The following DRC9 variants were observed in gnomAD, a reference collection of about 807,000 sequenced individuals.
DRC9 encodes the protein dynein regulatory complex subunit 9, also known as dynein regulatory complex protein 9.
the DRC9 span, among the ~76,000 whole-genome samples, chr3:197,934,855 C>T: frequency 6.8e-6 from 1 of 146,198 alleles, no homozygotes; most frequent in Non-Finnish European, 1.5e-5. Flanking sequence ...CATGGTGGCA[C>T]GTGCCTGTAG....
the DRC9 span, among the ~76,000 whole-genome samples, chr3:197,942,548 CAAACAAAAT>C: frequency 2.6e-5 from 4 of 151,370 alleles, no homozygotes; most frequent in South Asian, 8.3e-4. Flanking sequence ...AAAAACAAAA[CAAACAAAAT>C]GAAAAAAAAA....
chr3:197,942,672 C>A, the DRC9 span, among the ~76,000 whole-genome samples: 1 of 151,894 alleles, frequency 6.6e-6, no homozygotes, highest in Non-Finnish European at 1.5e-5. Context: ...AATCCCAGCA[C>A]TTTGGGAGGC....
chr3:197,926,016 A>C, the DRC9 span: 1 of 1,495,404 alleles, frequency 6.7e-7, no homozygotes, highest in South Asian at 1.1e-5. Flanking sequence ...TAAGCAGGTA[A>C]TTCTTACCTG....
chr3:197,932,777 C>T, the DRC9 span, among the ~76,000 whole-genome samples: 3 of 145,360 alleles, frequency 2.1e-5, no homozygotes, highest in African/African-American at 7.6e-5. Context: ...GCTGGGACTA[C>T]ACAGCAAGAC....
At chr3:197,893,226 G>T in the DRC9 span, among the ~76,000 whole-genome samples, 2 of 151,820 alleles carry the variant, frequency 1.3e-5, no homozygotes, top group Non-Finnish European at 2.9e-5. Flanking sequence ...GCATGGTGGC[G>T]CATACCTGTA....
At chr3:197,912,884 C>T in the DRC9 span, 4 of 722,170 alleles carry the variant, frequency 5.5e-6, no homozygotes, top group Admixed American at 2.1e-5. Context: ...CAGTTCCCTG[C>T]AACTCCTGTT....
chr3:197,960,013 C>G, the DRC9 span: 2 of 573,904 alleles, frequency 3.5e-6, no homozygotes, highest in East Asian at 5.8e-5. Flanking sequence ...CTCCCACAGC[C>G]CCACTCACGT....
the DRC9 span, among the ~76,000 whole-genome samples, chr3:197,936,586 C>G: frequency 6.6e-6 from 1 of 152,226 alleles, no homozygotes; most frequent in African/African-American, 2.4e-5. Flanking sequence ...TGGTTTCAAA[C>G]TCTTGGGCTC....
At chr3:197,955,733 TTC>T in the DRC9 span, 2 of 1,595,380 alleles carry the variant, frequency 1.3e-6, no homozygotes, top group African/African-American at 1.3e-5. Flanking sequence ...ATGTTTTGTG[TTC>T]TTTTTTCCCT....
the DRC9 span, among the ~76,000 whole-genome samples, chr3:197,930,854 T>G: frequency 6.7e-6 from 1 of 149,728 alleles, no homozygotes; most frequent in African/African-American, 2.5e-5. Context: ...GCCAACGTGG[T>G]GAAACACTGT....
At chr3:197,897,341 C>A in the DRC9 span, among the ~76,000 whole-genome samples, 1 of 152,000 alleles carries the variant, frequency 6.6e-6, no homozygotes, top group African/African-American at 2.4e-5. Context: ...TTAAGAGAGA[C>A]AAGGGATATT....
the DRC9 span, among the ~76,000 whole-genome samples, chr3:197,931,403 A>G: frequency 5.7e-3 from 871 of 151,976 alleles, 6 homozygotes; most frequent in Middle Eastern, 0.014. Flanking sequence ...AATCGCTTGA[A>G]CCTGGGAAGC....
chr3:197,928,353 T>G, the DRC9 span, among the ~76,000 whole-genome samples: 1 of 151,102 alleles, frequency 6.6e-6, no homozygotes, highest in Admixed American at 6.6e-5. Flanking sequence ...TTTTTTTTTT[T>G]TTTTTGTTTT....
chr3:197,890,361 C>T, the DRC9 span, among the ~76,000 whole-genome samples: 5 of 151,132 alleles, frequency 3.3e-5, no homozygotes, highest in East Asian at 3.9e-4. Flanking sequence ...GCAGAGATTG[C>T]GCCACTGCAC....
the DRC9 span, chr3:197,957,892 T>C: frequency 1.3e-5 from 2 of 152,020 alleles, no homozygotes; most frequent in South Asian, 2.1e-4. Flanking sequence ...GAGGAAGAAA[T>C]AGGGCGGCAT....
chr3:197,914,169 A>G, the DRC9 span: 1 of 776,994 alleles, frequency 1.3e-6, no homozygotes, highest in Non-Finnish European at 2.2e-6. Flanking sequence ...TTCCGCTGTC[A>G]CACAATGGGA....
the DRC9 span, among the ~76,000 whole-genome samples, chr3:197,909,201 A>AG: frequency 7.9e-5 from 12 of 152,242 alleles, no homozygotes; most frequent in African/African-American, 2.9e-4. Flanking sequence ...CTAAAACACC[A>AG]GAACAGTGGT....
the DRC9 span, among the ~76,000 whole-genome samples, chr3:197,939,872 A>G: frequency 6.6e-6 from 1 of 151,732 alleles, no homozygotes; most frequent in African/African-American, 2.4e-5. Context: ...CTCTACCTTT[A>G]TACTTGGACA....
the DRC9 span, among the ~76,000 whole-genome samples, chr3:197,945,120 C>T: frequency 6.6e-6 from 1 of 152,084 alleles, no homozygotes; most frequent in Admixed American, 6.6e-5. Flanking sequence ...GCCTATGTAA[C>T]CAGAAGGTTA....
Sources: gnomAD v4.1 joint callset for allele counts (sites outside exome capture counted in the v4.1 genomes callset) on GRCh38, gnomAD v4.1.1 for gene constraint, MANE v1.5 for transcripts, NCBI Gene and HGNC (gene_info 2026-07-23, HGNC 2026-07-21) for gene names.